MYRIP: variants seen among roughly 807,000 people sequenced by gnomAD.
MYRIP encodes myosin VIIA and Rab interacting protein, also known as rab effector MyRIP.
In MYRIP, 49 loss-of-function variants were observed where a neutral mutation model predicts 98.0. The ratio of observed to expected loss-of-function variants is 0.50; its 90% CI spans 0.40 to 0.63. The LOEUF (loss-of-function observed/expected upper bound fraction) is 0.63. MYRIP is among the 30% of genes least tolerant of loss of function. The probability of loss-of-function intolerance (pLI) is 0.00; values close to 1 mark genes in which losing one functional copy is unlikely to be tolerated. For synonymous variants in MYRIP, 404 were observed against 409.5 expected, an observed-to-expected ratio of 0.99 and a Z score of 0.16; for missense variants, 1,004 against 1,058.2, an observed-to-expected ratio of 0.95 and a Z score of 0.71.
chr3:39,982,112 TG>T (rs1175705890), intron 2 of MYRIP, among the ~76,000 whole-genome samples: 1 of 152,190 alleles, frequency 6.6e-6, no homozygotes. Context: ...ACATCTAAAG[TG>T]CTGAACAGAA....
At chr3:40,000,373 G>T (rs1323286720) in intron 2 of MYRIP, among the ~76,000 whole-genome samples, 4 of 152,192 alleles carry the variant, frequency 2.6e-5, no homozygotes, top group Non-Finnish European at 5.9e-5. Context: ...ATTAGGAAGA[G>T]TGTAGTGGTC....
At chr3:40,242,839 C>T (rs1953066514) in intron 12 of MYRIP, among the ~76,000 whole-genome samples, 1 of 151,766 alleles carries the variant, frequency 6.6e-6, no homozygotes, top group Non-Finnish European at 1.5e-5. Context: ...TCCCCCTTTT[C>T]CCCACCCCCA....
chr3:40,099,287 CTTA>C (rs1156769951), intron 3 of MYRIP, among the ~76,000 whole-genome samples: 4 of 152,146 alleles, frequency 2.6e-5, no homozygotes, highest in Non-Finnish European at 5.9e-5. Context: ...AAATGCTATG[CTTA>C]TTAATAATAG....
intron 3 of MYRIP, among the ~76,000 whole-genome samples, chr3:40,066,918 TA>T (rs1221282438): frequency 2.0e-5 from 3 of 152,224 alleles, no homozygotes; most frequent in Non-Finnish European, 2.9e-5. Context: ...GATATATGTT[TA>T]AATTTAAAAG....
intron 2 of MYRIP, among the ~76,000 whole-genome samples, chr3:39,972,373 T>C (rs191218750): frequency 6.6e-6 from 1 of 152,162 alleles, no homozygotes; most frequent in Admixed American, 6.6e-5. Flanking sequence ...TTAATTTAAC[T>C]TTGTTTTTGG....
At chr3:39,966,037 G>A (rs1381178916) in intron 2 of MYRIP, among the ~76,000 whole-genome samples, 1 of 152,124 alleles carries the variant, frequency 6.6e-6, no homozygotes, top group Non-Finnish European at 1.5e-5. Flanking sequence ...GATGTGGGTG[G>A]CTGCCCCTGA....
intron 1 of MYRIP, among the ~76,000 whole-genome samples, chr3:39,881,360 G>T (rs766059462): frequency 1.3e-5 from 2 of 152,152 alleles, no homozygotes; most frequent in Non-Finnish European, 2.9e-5. Context: ...CAAGTGGGGA[G>T]ATTGGGGTTC....
At chr3:40,149,063 G>A (rs145683758) in intron 3 of MYRIP, among the ~76,000 whole-genome samples, 154 of 152,282 alleles carry the variant, frequency 1.0e-3, no homozygotes, top group African/African-American at 3.6e-3. Context: ...AGCTTCTTCC[G>A]TATTAGTCCA....
At chr3:39,907,456 C>G (rs900895957) in intron 2 of MYRIP, among the ~76,000 whole-genome samples, 1 of 152,102 alleles carries the variant, frequency 6.6e-6, no homozygotes, top group Non-Finnish European at 1.5e-5. Flanking sequence ...GGTCGGGGCA[C>G]TTAAGAGCTG....
At chr3:39,924,334 A>T (rs936601127) in intron 2 of MYRIP, among the ~76,000 whole-genome samples, 11 of 152,144 alleles carry the variant, frequency 7.2e-5, no homozygotes, top group African/African-American at 2.7e-4. Context: ...GATTAGCTAT[A>T]TGAATATCTG....
chr3:39,862,809 C>G (rs1346089120), intron 1 of MYRIP, among the ~76,000 whole-genome samples: 2 of 152,166 alleles, frequency 1.3e-5, no homozygotes, highest in African/African-American at 4.8e-5. Context: ...CTACAGAACT[C>G]TCCACTCCAA....
Position 40,260,058 on chromosome 3 carries a change from T to C in MYRIP, c.*1892T>C, listed in dbSNP as rs1953717026. ...CCTTGTGCCAAATAAGTGCAAAGAT[T>C]TAATTTACTATTAAAAACCATAAGC... is the stretch of plus-strand genomic sequence containing the variant. On this transcript the variant is annotated 3_prime_UTR_variant, in exon 17 of 17. Transcript: ENST00000302541. 1 of 152,666 alleles carries C rather than the reference T, an allele frequency of 6.6e-6. No homozygotes were observed. Among genetic ancestry groups the C allele is most frequent in the Non-Finnish European group, 1.5e-5 (1 of 68,044 alleles). The allele number at this position is 152,666 out of a possible 1,614,324, so 9.5% of individuals were successfully genotyped here.
chr3:40,240,414 G>T (rs1952972101), intron 12 of MYRIP, among the ~76,000 whole-genome samples: 1 of 152,192 alleles, frequency 6.6e-6, no homozygotes, highest in African/African-American at 2.4e-5. Flanking sequence ...CCAGACAGTG[G>T]GCGCAGGTCA....
At chr3:40,035,193 T>G (rs1460968431) in intron 2 of MYRIP, among the ~76,000 whole-genome samples, 1 of 151,470 alleles carries the variant, frequency 6.6e-6, no homozygotes, top group Admixed American at 6.6e-5. Flanking sequence ...CTGCACATTG[T>G]GCACATGTAC....
chr3:40,167,407 G>T (rs530242703), intron 7 of MYRIP, among the ~76,000 whole-genome samples, 168 bp downstream of exon 7: 2 of 152,138 alleles, frequency 1.3e-5, no homozygotes, highest in African/African-American at 4.8e-5. Context: ...GGAATGCATC[G>T]CACTGCTTGC....
At chr3:39,866,086 C>T (rs1290824724) in intron 1 of MYRIP, among the ~76,000 whole-genome samples, 1 of 152,124 alleles carries the variant, frequency 6.6e-6, no homozygotes, top group Non-Finnish European at 1.5e-5. Context: ...AAAAACCAAA[C>T]ACCACATGTT....
intron 2 of MYRIP, among the ~76,000 whole-genome samples, chr3:39,979,402 G>T (rs1945829310): frequency 6.6e-6 from 1 of 152,060 alleles, no homozygotes; most frequent in Admixed American, 6.6e-5. Flanking sequence ...ACTTTGGAAG[G>T]CCAAGGCGGG....
intron 3 of MYRIP, among the ~76,000 whole-genome samples, chr3:40,064,054 G>A (rs1223980321): frequency 1.3e-5 from 2 of 152,064 alleles, no homozygotes; most frequent in Non-Finnish European, 2.9e-5. Context: ...TGAAAGCCTG[G>A]GCCAAGTTTA....
intron 3 of MYRIP, among the ~76,000 whole-genome samples, chr3:40,111,428 TA>T (rs1949155471): frequency 6.6e-6 from 1 of 152,206 alleles, no homozygotes; most frequent in African/African-American, 2.4e-5. Flanking sequence ...TATGTCCACC[TA>T]GAAACTGTAC....
Sources: allele counts gnomAD v4.1 joint callset (sites outside exome capture counted in the v4.1 genomes callset), GRCh38; gene constraint gnomAD v4.1.1; transcripts MANE v1.5; gene names NCBI Gene and HGNC (gene_info 2026-07-23, HGNC 2026-07-21).